Variants in CHN2 observed in about 807,000 individuals in gnomAD.
CHN2 encodes beta-chimaerin.
A neutral mutation model predicts 56.3 loss-of-function variants in CHN2; 35 were observed. The observed-to-expected ratio is 0.62, with a 90% CI of 0.47 to 0.82. CHN2 has a LOEUF of 0.82. Among genes scored for constraint, CHN2 ranks in the 40% least tolerant of loss-of-function variants. The pLI is 0.00. For missense variants in CHN2, 491 were observed against 580.5 expected (o/e 0.85, Z 1.58); for synonymous variants, 210 against 212.8 (o/e 0.99, Z 0.12).
chr7:29,162,082 T>TA (rs1193545344), intron 2 of CHN2, among the ~76,000 whole-genome samples: 1 of 152,212 alleles, frequency 6.6e-6, no homozygotes, highest in Admixed American at 6.5e-5. Context: ...GTGGCAATGT[T>TA]AAACAGTACA....
chr7:29,147,187 G>A (rs1199841295), intron 2 of CHN2: 1 of 580,912 alleles, frequency 1.7e-6, no homozygotes, highest in Non-Finnish European at 2.9e-6. Flanking sequence ...GACAGTACGG[G>A]AGCAAGAACT....
chr7:29,284,214 G>A (rs1432108969), intron 1 of CHN2, among the ~76,000 whole-genome samples: 1 of 152,004 alleles, frequency 6.6e-6, no homozygotes, highest in Non-Finnish European at 1.5e-5. Context: ...TCCTGCCTCA[G>A]CCTCCCAAGT....
intron 1 of CHN2, among the ~76,000 whole-genome samples, chr7:29,238,049 A>C (rs1584826050): frequency 8.6e-5 from 10 of 116,712 alleles, no homozygotes; most frequent in Admixed American, 2.3e-4. Flanking sequence ...AAGGAGTGTC[A>C]CTCTGTCACC....
chr7:29,262,230 G>T (rs1789611629), intron 1 of CHN2, among the ~76,000 whole-genome samples: 1 of 152,094 alleles, frequency 6.6e-6, no homozygotes, highest in African/African-American at 2.4e-5. Context: ...TCTCTTCTGT[G>T]TATCACAGTA....
intron 1 of CHN2, among the ~76,000 whole-genome samples, chr7:29,258,835 C>T (rs1349754071): frequency 6.6e-6 from 1 of 152,224 alleles, no homozygotes; most frequent in African/African-American, 2.4e-5. Flanking sequence ...TTGGCATCAT[C>T]TAACAGAAGT....
chr7:29,206,570 G>A (rs557092458), intron 1 of CHN2, among the ~76,000 whole-genome samples: 10 of 152,282 alleles, frequency 6.6e-5, no homozygotes, highest in East Asian at 1.9e-4. Context: ...GTGAGCCACC[G>A]CGCCTGGCCT....
At chr7:29,484,466 C>T (rs775228391) in intron 7 of CHN2, among the ~76,000 whole-genome samples, 1 of 152,210 alleles carries the variant, frequency 6.6e-6, no homozygotes, top group African/African-American at 2.4e-5. Context: ...CTGCAGCTCT[C>T]TCCTAGCTTC....
At chr7:29,423,187 G>A (rs949695496) in intron 6 of CHN2, among the ~76,000 whole-genome samples, 5 of 152,186 alleles carry the variant, frequency 3.3e-5, no homozygotes, top group Non-Finnish European at 7.3e-5. Flanking sequence ...TGACGGGGAC[G>A]TTTATTTCAT....
intron 7 of CHN2, among the ~76,000 whole-genome samples, chr7:29,495,751 T>C (rs1210687381): frequency 6.6e-6 from 1 of 152,190 alleles, no homozygotes; most frequent in African/African-American, 2.4e-5. Flanking sequence ...TCTGACTCTG[T>C]CCTGGGGCAT....
chr7:29,490,439 T>G (rs1397555853), intron 7 of CHN2, among the ~76,000 whole-genome samples: 1 of 152,230 alleles, frequency 6.6e-6, no homozygotes, highest in Non-Finnish European at 1.5e-5. Context: ...TTCTTGTAGA[T>G]AATGAGATCC....
intron 1 of CHN2, among the ~76,000 whole-genome samples, chr7:29,290,291 T>C (rs1792494526): frequency 6.6e-6 from 1 of 152,242 alleles, no homozygotes; most frequent in African/African-American, 2.4e-5. Context: ...CCTTTTGCTT[T>C]TATGCAAAGG....
In CHN2 at chr7:29,395,519, T is replaced by A. The variant is rs1368856825; in HGVS notation, c.176+1809T>A. ...GAGTGAGACCTTGTACAAAAAAAAATTAATAAATTAATACCAATTAACTTG... is the reference window on the plus strand; with the variant it reads ...GAGTGAGACCTTGTACAAAAAAAAAATAATAAATTAATACCAATTAACTTG... On this transcript the variant is annotated intron_variant, in intron 4 of 12. Coordinates refer to ENST00000222792, the MANE Select transcript of CHN2 (RefSeq NM_004067.4). Among the ~76,000 whole-genome samples the A allele has an allele frequency of 9.9e-5, 15 of 151,904 alleles. No homozygotes were observed. The East Asian group carries it at 1.7e-3, about 18-fold the overall frequency.
chr7:29,240,851 C>CTTCTTTCTTCTTTCTTCTTCCTTCTTCCT (rs1248989024), intron 1 of CHN2, among the ~76,000 whole-genome samples: 9 of 151,654 alleles, frequency 5.9e-5, no homozygotes, highest in Admixed American at 2.0e-4. Context: ...TCTTCATCTT[C>CTTCTTTCTTCTTTCTTCTTCCTTCTTCCT]TTCTTTCTTC....
intron 8 of CHN2, among the ~76,000 whole-genome samples, chr7:29,498,193 CAT>C (rs1330815622): frequency 6.6e-6 from 1 of 152,200 alleles, no homozygotes; most frequent in African/African-American, 2.4e-5. Flanking sequence ...TTTGACCTAA[CAT>C]GTATACAATA....
rs187197101 is a variant in CHN2, at chr7:29,299,926, A to G, written c.50-54699A>G. 3.9e-5 allele frequency among the ~76,000 whole-genome samples: 6 copies of G among 152,342 alleles called. No homozygotes were observed. In the East Asian group the frequency reaches 5.8e-4, roughly 15 times the overall value. The stretch of plus-strand genomic sequence containing the variant: ...AGCAACTTGGGGATGGGCCATGGGC[A>G]TGGGGAAATGGGATTCCAAACAGAG... On this transcript the variant is annotated intron_variant, in intron 1 of 12. Transcript: ENST00000222792.
intron 1 of CHN2, among the ~76,000 whole-genome samples, chr7:29,332,026 A>T (rs955223505): frequency 6.6e-6 from 1 of 152,000 alleles, no homozygotes; most frequent in African/African-American, 2.4e-5. Flanking sequence ...GAAAAAAAAA[A>T]AAAAAAGAGA....
intron 2 of CHN2, chr7:29,147,023 T>G: frequency 6.5e-7 from 1 of 1,547,052 alleles, no homozygotes; most frequent in Non-Finnish European, 8.7e-7. Context: ...CGCTGGAGTC[T>G]CAGAGCCACC....
intron 1 of CHN2, among the ~76,000 whole-genome samples, chr7:29,316,323 C>G (rs1367921095): frequency 6.6e-6 from 1 of 152,116 alleles, no homozygotes; most frequent in Non-Finnish European, 1.5e-5. Context: ...TTATAAGATG[C>G]CTATAAACTT....
intron 1 of CHN2, chr7:29,212,360 A>C: frequency 6.4e-7 from 1 of 1,558,132 alleles, no homozygotes; most frequent in South Asian, 1.1e-5. Context: ...CCGACTGTAA[A>C]GAATCTTAAC....
Sources: allele counts gnomAD v4.1 joint callset (sites outside exome capture counted in the v4.1 genomes callset), GRCh38; gene constraint gnomAD v4.1.1; transcripts MANE v1.5; gene names NCBI Gene and HGNC (gene_info 2026-07-23, HGNC 2026-07-21).